ALCAM: variants seen among roughly 807,000 people sequenced by gnomAD.
ALCAM encodes CD166 antigen.
In ALCAM, 30 loss-of-function variants were observed where a neutral mutation model predicts 70.9. That is an observed-to-expected ratio of 0.42 (90% confidence interval 0.32 to 0.57). The LOEUF (loss-of-function observed/expected upper bound fraction) is 0.57. ALCAM is among the 20% of genes least tolerant of loss of function. The probability of loss-of-function intolerance (pLI) is 0.11; values close to 1 mark genes in which losing one functional copy is unlikely to be tolerated. For synonymous variants in ALCAM, 249 were observed against 242.5 expected (o/e 1.03, Z -0.25); for missense variants, 591 against 695.1 (o/e 0.85, Z 1.68).
At chr3:105,484,344 A>G (rs538641117) in intron 1 of ALCAM, among the ~76,000 whole-genome samples, 55 of 150,566 alleles carry the variant, frequency 3.7e-4, no homozygotes, top group Admixed American at 8.7e-4. Context: ...AATCAAGAAT[A>G]TCTATGATCC....
At chr3:105,401,862 A>G (rs1415664898) in intron 1 of ALCAM, among the ~76,000 whole-genome samples, 1 of 152,176 alleles carries the variant, frequency 6.6e-6, no homozygotes, top group Non-Finnish European at 1.5e-5. Flanking sequence ...TGAAAATATG[A>G]ATAATTGAGT....
intron 1 of ALCAM, among the ~76,000 whole-genome samples, chr3:105,413,678 T>C (rs958687810): frequency 9.9e-5 from 15 of 152,162 alleles, no homozygotes; most frequent in Non-Finnish European, 1.6e-4. Flanking sequence ...ATCTCCATAG[T>C]TGACATAGAA....
intron 1 of ALCAM, among the ~76,000 whole-genome samples, chr3:105,489,856 T>G (rs1221260339): frequency 6.6e-6 from 1 of 152,184 alleles, no homozygotes; most frequent in Non-Finnish European, 1.5e-5. Flanking sequence ...CTGTTAAAAA[T>G]ATAAAATTGA....
intron 1 of ALCAM, among the ~76,000 whole-genome samples, chr3:105,423,160 A>G (rs1332405770): frequency 6.6e-6 from 1 of 151,402 alleles, no homozygotes; most frequent in Non-Finnish European, 1.5e-5. Context: ...TTTTATTGCA[A>G]TAATTTATTA....
At chr3:105,424,856 G>A (rs1195378410) in intron 1 of ALCAM, among the ~76,000 whole-genome samples, 1 of 151,758 alleles carries the variant, frequency 6.6e-6, no homozygotes, top group African/African-American at 2.4e-5. Flanking sequence ...TAAGGGGAAA[G>A]AGTACCTTAC....
Position 105,574,459 on chromosome 3 carries a change from AT to A in ALCAM, c.*26-9del, listed in dbSNP as rs35072095. On this transcript the variant is annotated splice_polypyrimidine_tract_variant and intron_variant, in intron 15 of 15. Coordinates refer to ENST00000306107, the MANE Select transcript of ALCAM (RefSeq NM_001627.4). ...ATTGCTTTGGAAGCTTATCTAAATTATTTTTTTTTCATTTCAGAGATAAAAA... is the reference window on the plus strand; with the variant it reads ...ATTGCTTTGGAAGCTTATCTAAATTATTTTTTTTCATTTCAGAGATAAAAA... 22,115 of 151,140 alleles carry A rather than the reference AT, an allele frequency of 0.15. 1,784 individuals are homozygous for A. Among genetic ancestry groups the A allele is most frequent in the Admixed American group, 0.27 (4,072 of 15,168 alleles). The allele number at this position is 151,140 out of a possible 1,614,324, so 9.4% of individuals were successfully genotyped here. A position where few individuals can be genotyped will look rare whatever the true frequency, so the allele number is the denominator to read the frequency against.
intron 1 of ALCAM, among the ~76,000 whole-genome samples, chr3:105,485,154 C>T (rs1938390551): frequency 6.6e-6 from 1 of 151,966 alleles, no homozygotes; most frequent in African/African-American, 2.4e-5. Flanking sequence ...TCTGGTAATA[C>T]CAAATCTTGC....
At chr3:105,567,779 A>T (rs1940776074) in intron 14 of ALCAM, among the ~76,000 whole-genome samples, 1 of 152,236 alleles carries the variant, frequency 6.6e-6, no homozygotes, top group African/African-American at 2.4e-5. Flanking sequence ...TCACCTAAGG[A>T]CATTCCCTGG....
At chr3:105,458,292 G>A (rs967383864) in intron 1 of ALCAM, among the ~76,000 whole-genome samples, 4 of 152,154 alleles carry the variant, frequency 2.6e-5, no homozygotes, top group African/African-American at 9.7e-5. Context: ...CTTGAGAACA[G>A]TGATTCTATG....
chr3:105,552,648 C>T (rs1163699141), intron 14 of ALCAM, 63 bp downstream of exon 14: 3 of 1,608,032 alleles, frequency 1.9e-6, no homozygotes, highest in Non-Finnish European at 2.6e-6. Flanking sequence ...ATACAATGTG[C>T]TAATTTTGCT....
intron 1 of ALCAM, among the ~76,000 whole-genome samples, chr3:105,429,683 C>T (rs1045639564): frequency 6.6e-6 from 1 of 151,558 alleles, no homozygotes; most frequent in Non-Finnish European, 1.5e-5. Flanking sequence ...TAATGAACAC[C>T]AATTGATTAT....
chr3:105,451,141 G>C (rs1937418400), intron 1 of ALCAM, among the ~76,000 whole-genome samples: 1 of 152,040 alleles, frequency 6.6e-6, no homozygotes, highest in South Asian at 2.1e-4. Flanking sequence ...GTGCAACCCT[G>C]TAATTTCAGC....
chr3:105,444,010 A>T (rs1211738352), intron 1 of ALCAM, among the ~76,000 whole-genome samples: 2 of 152,204 alleles, frequency 1.3e-5, no homozygotes, highest in Non-Finnish European at 2.9e-5. Context: ...TACCTTTCAA[A>T]TAACAGTAAC....
intron 14 of ALCAM, among the ~76,000 whole-genome samples, chr3:105,561,277 G>A (rs546089030): frequency 5.9e-5 from 9 of 152,110 alleles, no homozygotes; most frequent in South Asian, 2.1e-4. Flanking sequence ...AGTTATATTC[G>A]TTGTTTTGTG....
chr3:105,562,869 G>A (rs1427167274), intron 14 of ALCAM, among the ~76,000 whole-genome samples: 1 of 152,080 alleles, frequency 6.6e-6, no homozygotes, highest in Non-Finnish European at 1.5e-5. Context: ...GCAATGTCAC[G>A]ATCTCAGCTC....
chr3:105,522,376 A>G (rs146302393), intron 2 of ALCAM, among the ~76,000 whole-genome samples: 1 of 152,316 alleles, frequency 6.6e-6, no homozygotes, highest in African/African-American at 2.4e-5. Context: ...TTGAGGCACT[A>G]TATGCTCTAA....
intron 15 of ALCAM, among the ~76,000 whole-genome samples, chr3:105,572,220 G>T (rs1271078036): frequency 6.6e-6 from 1 of 152,088 alleles, no homozygotes; most frequent in Non-Finnish European, 1.5e-5. Context: ...TTCTCCTAAT[G>T]CGTCCCTCCC....
intron 5 of ALCAM, 34 bp downstream of exon 5, chr3:105,533,724 T>C: frequency 6.3e-7 from 1 of 1,574,978 alleles, no homozygotes; most frequent in Non-Finnish European, 8.7e-7. Context: ...GGGAGTACAT[T>C]CAGAGGACCT....
intron 1 of ALCAM, among the ~76,000 whole-genome samples, chr3:105,398,822 G>A (rs538248329): frequency 6.6e-6 from 1 of 151,722 alleles, no homozygotes; most frequent in Non-Finnish European, 1.5e-5. Context: ...TAGCACTGGA[G>A]ATTGCTTGTT....
Sources: allele counts gnomAD v4.1 joint callset (sites outside exome capture counted in the v4.1 genomes callset), GRCh38; gene constraint gnomAD v4.1.1; transcripts MANE v1.5; gene names NCBI Gene and HGNC (gene_info 2026-07-23, HGNC 2026-07-21).